The following NCAM1 variants were observed in gnomAD, a reference collection of about 807,000 sequenced individuals.
The protein encoded by NCAM1 is antigen recognized by monoclonal antibody 5.1H11.
NCAM1 carries 14 observed loss-of-function variants against 109.8 expected under a neutral mutation model. That is an observed-to-expected ratio of 0.13 (90% confidence interval 0.08 to 0.20). The LOEUF (loss-of-function observed/expected upper bound fraction) is 0.20, where lower values mean the gene tolerates loss of function less well. NCAM1 is among the 10% of genes least tolerant of loss of function. The pLI, the probability that NCAM1 is intolerant of heterozygous loss-of-function variation, is 1.00. For synonymous variants in NCAM1, 418 were observed against 442.9 expected, an observed-to-expected ratio of 0.94 and a Z score of 0.70; for missense variants, 774 against 1,109.9, an observed-to-expected ratio of 0.70 and a Z score of 4.30.
intron 1 of NCAM1, among the ~76,000 whole-genome samples, chr11:113,196,239 G>A (rs185662529): frequency 3.9e-5 from 6 of 152,144 alleles, no homozygotes; most frequent in South Asian, 2.1e-4. Context: ...GCATTTGTTC[G>A]GTTTTTACAG....
At chr11:113,236,409 C>T (rs377232653) in intron 14 of NCAM1, 1 of 1,380,488 alleles carries the variant, frequency 7.2e-7, no homozygotes, top group African/African-American at 1.4e-5. Flanking sequence ...TTTTTGTCCC[C>T]TAGAGGCTGA....
chr11:113,200,925 C>T, intron 1 of NCAM1, among the ~76,000 whole-genome samples: 1 of 152,106 alleles, frequency 6.6e-6, no homozygotes, highest in East Asian at 1.9e-4. Flanking sequence ...ACTAGCTGCC[C>T]TAGATTACTC....
intron 1 of NCAM1, among the ~76,000 whole-genome samples, chr11:113,058,808 G>A (rs1953811504): frequency 6.6e-6 from 1 of 152,154 alleles, no homozygotes; most frequent in Admixed American, 6.5e-5. Flanking sequence ...ATGCACCATG[G>A]CCTTTTTCCT....
At chr11:113,266,691 T>C (rs1230787596) in intron 17 of NCAM1, among the ~76,000 whole-genome samples, 1 of 152,152 alleles carries the variant, frequency 6.6e-6, no homozygotes, top group East Asian at 1.9e-4. Context: ...CCCTAGGAAT[T>C]TGCTACAGGT....
At chr11:113,256,145 A>G (rs1555122294) in intron 16 of NCAM1, 144 bp downstream of exon 16, 2 of 1,100,554 alleles carry the variant, frequency 1.8e-6, no homozygotes, top group Non-Finnish European at 2.5e-6. Flanking sequence ...GGCCCTGGCC[A>G]TGGCTTAAAA....
At chr11:113,214,327 T>G in intron 7 of NCAM1, 42 bp from the exon 8 acceptor site, 2 of 1,604,864 alleles carry the variant, frequency 1.2e-6, no homozygotes, top group Non-Finnish European at 1.7e-6. Flanking sequence ...CCCAGAAAGC[T>G]CAATAATTAG....
intron 1 of NCAM1, among the ~76,000 whole-genome samples, chr11:113,059,187 T>C (rs931260447): frequency 6.6e-6 from 1 of 152,154 alleles, no homozygotes; most frequent in Non-Finnish European, 1.5e-5. Flanking sequence ...CTTAGTAAAA[T>C]AGTATAAATT....
intron 1 of NCAM1, among the ~76,000 whole-genome samples, chr11:113,128,753 A>G (rs1192337127): frequency 6.6e-6 from 1 of 152,128 alleles, no homozygotes; most frequent in Non-Finnish European, 1.5e-5. Context: ...TTGGATTCCA[A>G]AGAGGAAGGA....
chr11:113,230,572 G>A (rs782275277), intron 9 of NCAM1, among the ~76,000 whole-genome samples: 1 of 152,150 alleles, frequency 6.6e-6, no homozygotes, highest in African/African-American at 2.4e-5. Context: ...GGGCTTCAGG[G>A]CCCCAAACCA....
At chr11:113,176,743 GT>G (rs201518737) in intron 1 of NCAM1, among the ~76,000 whole-genome samples, 7 of 151,254 alleles carry the variant, frequency 4.6e-5, no homozygotes, top group East Asian at 1.9e-4. Context: ...AATTTATGTG[GT>G]TTTTTTTTCT....
intron 1 of NCAM1, among the ~76,000 whole-genome samples, chr11:113,122,281 A>T (rs532626172): frequency 6.6e-6 from 1 of 152,326 alleles, no homozygotes; most frequent in Admixed American, 6.5e-5. Flanking sequence ...GTAGAAGTTC[A>T]GTAGTTTTAT....
chr11:113,198,726 A>G (rs1943934440), intron 1 of NCAM1, among the ~76,000 whole-genome samples: 1 of 152,094 alleles, frequency 6.6e-6, no homozygotes, highest in Admixed American at 6.5e-5. Context: ...GTTATAATAA[A>G]CCTATTTGGA....
intron 18 of NCAM1, among the ~76,000 whole-genome samples, chr11:113,270,672 G>A (rs549371338): frequency 6.6e-6 from 1 of 152,256 alleles, no homozygotes; most frequent in East Asian, 1.9e-4. Context: ...CAAAATGAGG[G>A]AAATTGTCAG....
At chr11:113,078,989 G>A (rs1408350345) in intron 1 of NCAM1, among the ~76,000 whole-genome samples, 2 of 152,162 alleles carry the variant, frequency 1.3e-5, no homozygotes, top group Admixed American at 1.3e-4. Flanking sequence ...CTGGGCCGAG[G>A]GTCAGCAGGA....
At chr11:113,097,267 T>A (rs989768309) in intron 1 of NCAM1, among the ~76,000 whole-genome samples, 1 of 152,242 alleles carries the variant, frequency 6.6e-6, no homozygotes, top group Admixed American at 6.5e-5. Flanking sequence ...TGTTGACTTC[T>A]GCTTTAGTGG....
At chr11:113,218,604 G>A (rs142819888) in intron 8 of NCAM1, among the ~76,000 whole-genome samples, 78 of 152,256 alleles carry the variant, frequency 5.1e-4, no homozygotes, top group African/African-American at 1.6e-3. Flanking sequence ...TACAATGAGC[G>A]TGAATGTCAC....
intron 9 of NCAM1, among the ~76,000 whole-genome samples, chr11:113,230,340 G>C (rs1013089489): frequency 1.3e-5 from 2 of 152,186 alleles, no homozygotes; most frequent in African/African-American, 4.8e-5. Flanking sequence ...TGCAGAAATG[G>C]GCAGCCATGA....
At chr11:113,140,252 A>G (rs898391866) in intron 1 of NCAM1, among the ~76,000 whole-genome samples, 4 of 152,178 alleles carry the variant, frequency 2.6e-5, no homozygotes, top group African/African-American at 9.7e-5. Context: ...CATAGAGCTC[A>G]GAGTTAAGAT....
intron 1 of NCAM1, among the ~76,000 whole-genome samples, chr11:112,986,403 A>G (rs568852155): frequency 6.6e-6 from 1 of 152,050 alleles, no homozygotes; most frequent in African/African-American, 2.4e-5. Context: ...TGGCTTTGAT[A>G]TCAGGGTAAT....
Sources: allele counts gnomAD v4.1 joint callset (sites outside exome capture counted in the v4.1 genomes callset), GRCh38; gene constraint gnomAD v4.1.1; transcripts MANE v1.5; gene names NCBI Gene and HGNC (gene_info 2026-07-23, HGNC 2026-07-21).